MPDZ: variants seen among roughly 807,000 people sequenced by gnomAD.
The protein encoded by MPDZ is multiple PDZ domain crumbs cell polarity complex component.
A neutral mutation model predicts 239.1 loss-of-function variants in MPDZ; 234 were observed. The observed-to-expected ratio is 0.98, with a 90% CI of 0.88 to 1.09. The LOEUF (loss-of-function observed/expected upper bound fraction) is 1.09. Ranked by LOEUF, MPDZ falls within the 50% of genes least tolerant of loss-of-function variation. MPDZ has a pLI of 0.00. For missense variants in MPDZ, 3,175 were observed against 2,510.0 expected (o/e 1.26, Z -5.66); for synonymous variants, 1,048 against 881.3 (o/e 1.19, Z -3.35).
chr9:13,179,308 T>C (rs998289112), intron 19 of MPDZ, among the ~76,000 whole-genome samples: 11 of 152,162 alleles, frequency 7.2e-5, no homozygotes, highest in African/African-American at 2.4e-4. Flanking sequence ...AGCTTCCATA[T>C]TGCTAAATTG....
At chr9:13,191,993 T>C (rs1473038739) in intron 15 of MPDZ, 138 bp downstream of exon 15, 5 of 722,416 alleles carry the variant, frequency 6.9e-6, no homozygotes, top group Non-Finnish European at 7.9e-6. Flanking sequence ...CAGATTTGTC[T>C]GACTTTAAAT....
intron 19 of MPDZ, among the ~76,000 whole-genome samples, chr9:13,177,607 G>A (rs1952671851): frequency 6.6e-6 from 1 of 152,128 alleles, no homozygotes; most frequent in African/African-American, 2.4e-5. Context: ...TTAAAAACAA[G>A]TCAACTTCAA....
intron 1 of MPDZ, among the ~76,000 whole-genome samples, chr9:13,254,348 T>C (rs898716320): frequency 3.3e-5 from 5 of 152,212 alleles, no homozygotes. Context: ...TCCAAGATTT[T>C]AATAAAAACC....
chr9:13,247,561 T>A (rs1297878644), intron 3 of MPDZ, 74 bp downstream of exon 3: 2 of 1,505,334 alleles, frequency 1.3e-6, no homozygotes, highest in Non-Finnish European at 1.8e-6. Flanking sequence ...AAAATCAGCC[T>A]TTCAGAAAAA....
At chr9:13,182,132 C>G (rs1214472321) in intron 19 of MPDZ, among the ~76,000 whole-genome samples, 1 of 152,074 alleles carries the variant, frequency 6.6e-6, no homozygotes, top group Non-Finnish European at 1.5e-5. Context: ...AGTGCTAGAC[C>G]TACGGAAATT....
chr9:13,248,970 C>G (rs1486021441), intron 2 of MPDZ, among the ~76,000 whole-genome samples: 10 of 30,096 alleles, frequency 3.3e-4, no homozygotes, highest in Non-Finnish European at 7.7e-4. Context: ...GAGTGAGACT[C>G]CATCTCAAAA....
intron 19 of MPDZ, among the ~76,000 whole-genome samples, chr9:13,181,517 C>T (rs528500992): frequency 1.6e-4 from 25 of 152,122 alleles, no homozygotes; most frequent in Admixed American, 2.6e-4. Flanking sequence ...ACTAAAAGCA[C>T]ACAGGAGTTT....
intron 32 of MPDZ, among the ~76,000 whole-genome samples, chr9:13,131,976 TA>T (rs1298372613): frequency 1.3e-5 from 2 of 152,172 alleles, no homozygotes; most frequent in African/African-American, 4.8e-5. Context: ...TAGCTACTTT[TA>T]AAAGATTCTT....
intron 28 of MPDZ, 35 bp downstream of exon 28, chr9:13,139,952 C>T: frequency 6.2e-7 from 1 of 1,612,606 alleles, no homozygotes; most frequent in Non-Finnish European, 8.5e-7. Context: ...TTTAATACCT[C>T]TTACAATTAA....
chr9:13,191,954 C>T (rs1954985581), intron 15 of MPDZ, among the ~76,000 whole-genome samples, 177 bp downstream of exon 15: 2 of 152,084 alleles, frequency 1.3e-5, no homozygotes, highest in Admixed American at 6.6e-5. Context: ...CCCAATTTCC[C>T]ACAGCTAGTG....
chr9:13,119,702 G>C lies in MPDZ; in HGVS notation c.5232-53C>G, dbSNP rs1417111817. ...ATCTTTTGCTCAACTGTAATGCAAT[G>C]CTTATTTAATAAAAAGTTACGTTTT... On this transcript the variant is annotated intron_variant, in intron 38 of 46. Transcript: ENST00000319217. 4 of 1,604,642 alleles carry C rather than the reference G, an allele frequency of 2.5e-6. 1 individual carries two copies. The Admixed American group carries it at 5.0e-5, about 20-fold the overall frequency.
chr9:13,173,749 CAA>C (rs889071942), intron 21 of MPDZ, among the ~76,000 whole-genome samples: 1 of 151,808 alleles, frequency 6.6e-6, no homozygotes, highest in African/African-American at 2.4e-5. Flanking sequence ...AGCCAGATTG[CAA>C]AATCTGATGT....
In MPDZ at chr9:13,135,814, A is replaced by T. The variant is rs1432356693; in HGVS notation, c.4383+278T>A. ...ACATACACTTCATATGTAACCTTCC[A>T]TATAAAGTTTTATCCTCAATTTCTT... On this transcript the variant is annotated intron_variant, in intron 31 of 46. Coordinates refer to ENST00000319217, the MANE Select transcript of MPDZ (RefSeq NM_001378778.1). 3 of 243,426 alleles carry T rather than the reference A, an allele frequency of 1.2e-5. No individual in the cohort carries two copies. The Admixed American group carries it at 1.6e-4, about 13-fold the overall frequency. 15.1% of individuals were successfully genotyped at this position (243,426 alleles called of 1,614,324 possible).
At chr9:13,224,707 A>G (rs772771566) in intron 3 of MPDZ, 124 bp from the exon 4 acceptor site, 88 of 674,586 alleles carry the variant, frequency 1.3e-4, no homozygotes, top group Non-Finnish European at 1.8e-4. Context: ...TAATCCAGCA[A>G]TTCTATTTTG....
At chr9:13,255,280 T>C (rs1232340256) in intron 1 of MPDZ, among the ~76,000 whole-genome samples, 4 of 152,238 alleles carry the variant, frequency 2.6e-5, no homozygotes, top group African/African-American at 9.6e-5. Flanking sequence ...GCATCTTCAG[T>C]GACTTCTTCC....
intron 19 of MPDZ, among the ~76,000 whole-genome samples, chr9:13,180,655 G>A: frequency 6.6e-6 from 1 of 152,082 alleles, no homozygotes; most frequent in Non-Finnish European, 1.5e-5. Flanking sequence ...CAAGGGAAAA[G>A]GAGTAAAATG....
chr9:13,203,871 G>A (rs2135574070), intron 12 of MPDZ, among the ~76,000 whole-genome samples: 2 of 151,772 alleles, frequency 1.3e-5, no homozygotes, highest in South Asian at 4.2e-4. Flanking sequence ...CCACACCCAT[G>A]CCCACTTAAT....
chr9:13,260,508 C>T (rs1176504447), intron 1 of MPDZ, among the ~76,000 whole-genome samples: 1 of 152,078 alleles, frequency 6.6e-6, no homozygotes, highest in Non-Finnish European at 1.5e-5. Flanking sequence ...GAGTATAGTA[C>T]CTTACGATGT....
chr9:13,268,363 A>C (rs951809434), intron 1 of MPDZ, among the ~76,000 whole-genome samples: 3 of 151,942 alleles, frequency 2.0e-5, no homozygotes, highest in Non-Finnish European at 4.4e-5. Context: ...TATTCAAATA[A>C]ATTTTTTATA....
Sources: gnomAD v4.1 joint callset for allele counts (sites outside exome capture counted in the v4.1 genomes callset) on GRCh38, gnomAD v4.1.1 for gene constraint, MANE v1.5 for transcripts, NCBI Gene and HGNC (gene_info 2026-07-23, HGNC 2026-07-21) for gene names.